NDP: variants seen among roughly 807,000 people sequenced by gnomAD.
NDP encodes norrin.
Under a neutral mutation model 8.4 loss-of-function variants are expected in NDP, and 2 were observed. The observed-to-expected ratio is 0.24, with a 90% confidence interval of 0.10 to 0.75. The LOEUF (loss-of-function observed/expected upper bound fraction) is 0.75, where lower values mean the gene tolerates loss of function less well. Ranked by LOEUF, NDP falls within the 30% of genes least tolerant of loss-of-function variation. The pLI is 0.73. For synonymous variants in NDP, 55 were observed against 45.6 expected (o/e 1.21, Z -0.83); for missense variants, 81 against 110.1 (o/e 0.74, Z 1.18).
intron 2 of NDP, 61 bp from the exon 3 acceptor site, chrX:43,950,087 C>T: frequency 2.9e-6 from 3 of 1,028,604 alleles, no homozygotes; most frequent in African/African-American, 3.7e-5. Context: ...CCAGGTAAAA[C>T]AGCATCTTTT....
At chrX:43,954,681 A>C (rs1017824191) in intron 2 of NDP, 1 of 111,131 alleles carries the variant, frequency 9.0e-6, no homozygotes, top group Non-Finnish European at 1.9e-5. Context: ...GGTGGGTAGC[A>C]GTAGAAGATG....
chrX:43,950,352 T>C (rs2035753942), intron 2 of NDP, among the ~76,000 whole-genome samples: 1 of 107,977 alleles, frequency 9.3e-6, no homozygotes, highest in South Asian at 4.1e-4. Flanking sequence ...AAATTTCTCC[T>C]GACAGGTAGT....
intron 1 of NDP, among the ~76,000 whole-genome samples, chrX:43,968,070 A>T (rs1245215772): frequency 1.8e-5 from 2 of 112,063 alleles, no homozygotes; most frequent in African/African-American, 6.5e-5. Context: ...AACTGGATGA[A>T]TTCCTGATTA....
chrX:43,965,765 GA>G (rs1159396817), intron 1 of NDP, among the ~76,000 whole-genome samples: 3 of 111,882 alleles, frequency 2.7e-5, no homozygotes, highest in Non-Finnish European at 5.6e-5. Context: ...AGATTGATTA[GA>G]AAAGTTGTCT....
chrX:43,968,306 A>G (rs990117627), intron 1 of NDP, among the ~76,000 whole-genome samples: 2 of 112,316 alleles, frequency 1.8e-5, no homozygotes, highest in African/African-American at 6.5e-5. Context: ...AATGGTGACA[A>G]GCAAATGACT....
At chrX:43,950,861 C>G (rs2035757446) in intron 2 of NDP, among the ~76,000 whole-genome samples, 1 of 111,317 alleles carries the variant, frequency 9.0e-6, no homozygotes, top group African/African-American at 3.3e-5. Context: ...AAAGTTATCC[C>G]CAGAAAAATG....
At chrX:43,950,684 G>A (rs1049838181) in intron 2 of NDP, among the ~76,000 whole-genome samples, 2 of 111,163 alleles carry the variant, frequency 1.8e-5, no homozygotes, top group East Asian at 5.7e-4. Context: ...TTATGTAATT[G>A]CATCCGCATC....
intron 2 of NDP, among the ~76,000 whole-genome samples, chrX:43,958,231 A>C (rs2035806468): frequency 8.9e-6 from 1 of 112,127 alleles, no homozygotes; most frequent in Non-Finnish European, 1.9e-5. Flanking sequence ...CATCACAGCC[A>C]GGGACAAAGG....
chrX:43,962,922 C>T (rs947763191), intron 1 of NDP, among the ~76,000 whole-genome samples: 22 of 112,261 alleles, frequency 2.0e-4, no homozygotes, highest in African/African-American at 4.5e-4. Context: ...GAGCTTACAG[C>T]GGGCCCAGCC....
chrX:43,964,935 T>G (rs1474859233), intron 1 of NDP, among the ~76,000 whole-genome samples: 1 of 112,088 alleles, frequency 8.9e-6, no homozygotes, highest in Non-Finnish European at 1.9e-5. Context: ...CCTTCTTACT[T>G]AAGGAGTTAA....
At position 43,949,888 on chromosome X, in the gene NDP, C is replaced by A. The variant is rs104894875; in HGVS notation, c.313G>T (p.Ala105Ser). Residue 105 changes from alanine (A) to serine (S), a missense_variant, in exon 3 of 3, where the codon GCA (alanine) becomes TCA (serine). Coordinates refer to ENST00000642620, the MANE Select transcript of NDP (RefSeq NM_000266.4). ...CCRPQTSKLK[A>S]LRLRCSGGMR... The stretch of plus-strand genomic sequence containing the variant: ...CCCCCTGAGCATCGCAGCCGCAGTG[C>A]CTTCAGCTTGGAAGTCTGGGGCCGG... The A allele has an allele frequency of 2.5e-6, 3 of 1,197,484 alleles. No individual in the cohort carries two copies. Among genetic ancestry groups the A allele is most frequent in the African/African-American group, 1.8e-5 (1 of 56,757 alleles).
At chrX:43,972,597 C>T (rs368861852) in intron 1 of NDP, among the ~76,000 whole-genome samples, 1 of 111,151 alleles carries the variant, frequency 9.0e-6, no homozygotes, top group African/African-American at 3.3e-5. Flanking sequence ...AAGTCCAAGG[C>T]AAACAGCATG....
intron 2 of NDP, among the ~76,000 whole-genome samples, chrX:43,954,180 C>T (rs2035778669): frequency 8.9e-6 from 1 of 112,020 alleles, no homozygotes; most frequent in Non-Finnish European, 1.9e-5. Context: ...AAGATTCACC[C>T]ATGCTTCTTC....
At chrX:43,967,090 C>G (rs2035862129) in intron 1 of NDP, among the ~76,000 whole-genome samples, 1 of 111,056 alleles carries the variant, frequency 9.0e-6, no homozygotes, top group South Asian at 3.8e-4. Context: ...TGCTGATAAC[C>G]CTGAACTTGT....
chrX:43,954,452 C>G (rs1383739055), intron 2 of NDP: 1 of 111,267 alleles, frequency 9.0e-6, no homozygotes, highest in African/African-American at 3.3e-5. Context: ...CCCTCTCTCC[C>G]CATTTTCTTG....
rs755584711 is a variant in NDP, at chrX:43,955,700, C to T, written c.174+2772G>A. On this transcript the variant is annotated intron_variant, in intron 2 of 2. Coordinates refer to ENST00000642620, the MANE Select transcript of NDP (RefSeq NM_000266.4). ...TTAAAACTATCAGGCACATCCTAAT[C>T]TGTGGCCACACTGTCCTCTTTGGTG... is the stretch of plus-strand genomic sequence containing the variant. Among the ~76,000 whole-genome samples, 176 of 112,357 alleles carry T rather than the reference C, an allele frequency of 1.6e-3. 1 individual carries two copies. Among genetic ancestry groups the T allele is most frequent in the Non-Finnish European group, 2.5e-3 (135 of 53,271 alleles).
intron 2 of NDP, among the ~76,000 whole-genome samples, chrX:43,950,957 C>T (rs2035758082): frequency 9.0e-6 from 1 of 111,255 alleles, no homozygotes. Context: ...CTCCTGGTAT[C>T]CTGGGAGTGG....
intron 2 of NDP, 99 bp downstream of exon 2, chrX:43,958,373 T>C: frequency 9.8e-7 from 1 of 1,017,982 alleles, no homozygotes; most frequent in South Asian, 1.9e-5. Flanking sequence ...ATCACTTAAG[T>C]TTGGGCTATG....
intron 2 of NDP, among the ~76,000 whole-genome samples, chrX:43,952,610 C>T (rs969127617): frequency 9.0e-6 from 1 of 111,565 alleles, no homozygotes; most frequent in African/African-American, 3.3e-5. Context: ...TGTAAATGAG[C>T]TCATCTGATT....
Sources: allele counts gnomAD v4.1 joint callset (sites outside exome capture counted in the v4.1 genomes callset), GRCh38; gene constraint gnomAD v4.1.1; transcripts MANE v1.5; gene names NCBI Gene and HGNC (gene_info 2026-07-23, HGNC 2026-07-21).